The following DPP10 variants were observed in gnomAD, a reference collection of about 807,000 sequenced individuals.
DPP10 encodes the protein inactive dipeptidyl peptidase 10.
In DPP10, 33 loss-of-function variants were observed where a neutral mutation model predicts 120.9. The ratio of observed to expected loss-of-function variants is 0.27; its 90% CI spans 0.21 to 0.37. The LOEUF is 0.37. DPP10 is among the 10% of genes least tolerant of loss of function. The pLI is 1.00. For missense variants in DPP10, 816 were observed against 942.8 expected (o/e 0.87, Z 1.76); for synonymous variants, 337 against 326.1 (o/e 1.03, Z -0.36).
At chr2:115,177,747 T>G (rs1171757219) in intron 1 of DPP10, among the ~76,000 whole-genome samples, 1 of 128,864 alleles carries the variant, frequency 7.8e-6, no homozygotes, top group Non-Finnish European at 1.7e-5. Flanking sequence ...TGCTTTTGTT[T>G]TGTTTTGTTT....
At chr2:115,001,518 CA>C (rs1336354237) in intron 1 of DPP10, among the ~76,000 whole-genome samples, 3 of 152,080 alleles carry the variant, frequency 2.0e-5, no homozygotes, top group Admixed American at 6.5e-5. Flanking sequence ...CACTACTATT[CA>C]ACATAGCACT....
chr2:115,320,866 C>T (rs2420815), intron 2 of DPP10, among the ~76,000 whole-genome samples: 103,228 of 151,898 alleles, frequency 0.68, 35,736 homozygotes, highest in Admixed American at 0.76. Context: ...CATGCTGAAG[C>T]CTCCCTTTGA....
chr2:115,081,601 C>T (rs1435351727), intron 1 of DPP10, among the ~76,000 whole-genome samples: 1 of 151,768 alleles, frequency 6.6e-6, no homozygotes, highest in Non-Finnish European at 1.5e-5. Flanking sequence ...ATGTCTTTAC[C>T]TTTTGCTGTG....
At chr2:115,018,722 G>T (rs1203353543) in intron 1 of DPP10, among the ~76,000 whole-genome samples, 1 of 152,180 alleles carries the variant, frequency 6.6e-6, no homozygotes, top group East Asian at 1.9e-4. Context: ...GGGTGTAAGG[G>T]GCTAGGGGAG....
At chr2:114,473,723 TG>T (rs1680131209) in intron 1 of DPP10, among the ~76,000 whole-genome samples, 1 of 152,198 alleles carries the variant, frequency 6.6e-6, no homozygotes, top group South Asian at 2.1e-4. Flanking sequence ...ACCTTTAAAT[TG>T]ATGGTAACTG....
intron 5 of DPP10, among the ~76,000 whole-genome samples, chr2:115,599,795 T>C (rs2083209149): frequency 1.3e-5 from 2 of 152,176 alleles, no homozygotes; most frequent in South Asian, 4.1e-4. Flanking sequence ...TTGAAGGTGT[T>C]TATTTTGGCA....
chr2:115,376,521 T>C (rs1448873076), intron 3 of DPP10, among the ~76,000 whole-genome samples: 1 of 151,682 alleles, frequency 6.6e-6, no homozygotes, highest in Non-Finnish European at 1.5e-5. Flanking sequence ...TTGATTCTAA[T>C]AGTCCCTTTC....
At chr2:115,104,167 T>A (rs1159539445) in intron 1 of DPP10, among the ~76,000 whole-genome samples, 1 of 142,082 alleles carries the variant, frequency 7.0e-6, no homozygotes, top group Non-Finnish European at 1.5e-5. Context: ...CAAATACATA[T>A]GTCTTTTTTT....
intron 1 of DPP10, among the ~76,000 whole-genome samples, chr2:115,071,696 A>G (rs1038352914): frequency 2.0e-5 from 3 of 152,072 alleles, no homozygotes; most frequent in African/African-American, 7.2e-5. Flanking sequence ...AAAAAAGTAA[A>G]CATGAGCTCT....
intron 1 of DPP10, among the ~76,000 whole-genome samples, chr2:115,196,395 T>C (rs1374159598): frequency 6.6e-6 from 1 of 152,170 alleles, no homozygotes; most frequent in Non-Finnish European, 1.5e-5. Flanking sequence ...TAGTTATTCC[T>C]CTCCTCTATT....
At chr2:115,041,427 C>T (rs543392010) in intron 1 of DPP10, among the ~76,000 whole-genome samples, 2 of 151,474 alleles carry the variant, frequency 1.3e-5, no homozygotes, top group East Asian at 3.9e-4. Flanking sequence ...CTGGCATTAA[C>T]CCAGGAGAGG....
intron 5 of DPP10, among the ~76,000 whole-genome samples, chr2:115,645,442 C>T (rs1294763362): frequency 6.6e-6 from 1 of 152,168 alleles, no homozygotes; most frequent in Non-Finnish European, 1.5e-5. Context: ...TCCCAATCCC[C>T]ACCAGCCACT....
chr2:115,385,500 C>A (rs538423249), intron 3 of DPP10, among the ~76,000 whole-genome samples: 1 of 152,028 alleles, frequency 6.6e-6, no homozygotes, highest in Non-Finnish European at 1.5e-5. Context: ...GGATTACAGG[C>A]GCCCGCCACC....
Position 115,159,970 on chromosome 2 carries a change from A to G in DPP10, c.61-149269A>G, listed in dbSNP as rs560559282. Among the ~76,000 whole-genome samples, 51 of 152,320 alleles carry G rather than the reference A, an allele frequency of 3.3e-4. No individual in the cohort carries two copies. In the South Asian group the frequency reaches 9.5e-3, roughly 28 times the overall value. ...CAAGCAGATTGTCCGAAATGGAAAC[A>G]CAATGAAAGGATGAATATACTCAAA... On this transcript the variant is annotated intron_variant, in intron 1 of 25. Transcript: ENST00000410059.
chr2:114,525,712 T>C (rs1325648261), intron 1 of DPP10, among the ~76,000 whole-genome samples: 3 of 152,222 alleles, frequency 2.0e-5, no homozygotes, highest in African/African-American at 7.2e-5. Context: ...TTCTCACCTG[T>C]AAAATGAAGG....
intron 21 of DPP10, among the ~76,000 whole-genome samples, chr2:115,818,219 T>C (rs1687461912): frequency 6.6e-6 from 1 of 152,162 alleles, no homozygotes; most frequent in South Asian, 2.1e-4. Context: ...ATTTGCAAGA[T>C]GAAAAAGTTC....
chr2:115,294,145 A>G (rs1006042404), intron 1 of DPP10, among the ~76,000 whole-genome samples: 1 of 152,086 alleles, frequency 6.6e-6, no homozygotes, highest in African/African-American at 2.4e-5. Context: ...TACCAGAGGG[A>G]TAAGCCAAAT....
chr2:115,348,994 G>A (rs1436429583), intron 3 of DPP10, among the ~76,000 whole-genome samples: 1 of 152,090 alleles, frequency 6.6e-6, no homozygotes, highest in African/African-American at 2.4e-5. Flanking sequence ...TCTTAGCACA[G>A]CCCTTTCCTA....
rs371593669 is a variant in DPP10 at position 115,057,945 on chromosome 2, G to T, written c.61-251294G>T. On this transcript the variant is annotated intron_variant, in intron 1 of 25. Coordinates refer to ENST00000410059, the MANE Select transcript of DPP10 (RefSeq NM_020868.6). ...CTAGGTACAAGCCTACTTTTTCTTT[G>T]ATTTACTTACAGAGTAGGAAATAAG... is the stretch of plus-strand genomic sequence containing the variant. Among the ~76,000 whole-genome samples the T allele has an allele frequency of 3.9e-5, 6 of 152,150 alleles. No individual in the cohort carries two copies. The South Asian group carries it at 1.2e-3, about 32-fold the overall frequency.
Sources: allele counts gnomAD v4.1 joint callset (sites outside exome capture counted in the v4.1 genomes callset), GRCh38; gene constraint gnomAD v4.1.1; transcripts MANE v1.5; gene names NCBI Gene and HGNC (gene_info 2026-07-23, HGNC 2026-07-21).